The following CPNE4 variants were observed in gnomAD, a reference collection of about 807,000 sequenced individuals.
The protein encoded by CPNE4 is copine-4.
CPNE4 carries 25 observed loss-of-function variants against 67.9 expected under a neutral mutation model. The observed-to-expected ratio is 0.37, with a 90% CI of 0.27 to 0.51. CPNE4 has a LOEUF of 0.51. Among genes scored for constraint, CPNE4 ranks in the 20% least tolerant of loss-of-function variants. The pLI is 0.93. For synonymous variants in CPNE4, 242 were observed against 244.9 expected (o/e 0.99, Z 0.11); for missense variants, 464 against 690.8 (o/e 0.67, Z 3.68).
chr3:131,902,036 T>C (rs1345624745), intron 2 of CPNE4, among the ~76,000 whole-genome samples: 1 of 151,700 alleles, frequency 6.6e-6, no homozygotes, highest in East Asian at 1.9e-4. Flanking sequence ...TTACTAATTA[T>C]CTAATTATTT....
chr3:131,682,313 T>C lies in CPNE4; in HGVS notation c.591+3562A>G, dbSNP rs1009777087. Among the ~76,000 whole-genome samples the C allele has an allele frequency of 3.3e-5, 5 of 152,152 alleles. No homozygotes were observed. The East Asian group carries it at 7.7e-4, about 24-fold the overall frequency. On this transcript the variant is annotated intron_variant, in intron 6 of 15. Transcript: ENST00000429747. ...CCAGGTATTCAAAGGGATTTGGGTGTCGTGGTCTGTTTTTGGTCACTGTGA... is the reference window on the plus strand; with the variant it reads ...CCAGGTATTCAAAGGGATTTGGGTGCCGTGGTCTGTTTTTGGTCACTGTGA...
intron 2 of CPNE4, among the ~76,000 whole-genome samples, chr3:131,827,211 C>G (rs1331995300): frequency 6.6e-6 from 1 of 152,216 alleles, no homozygotes; most frequent in Admixed American, 6.5e-5. Context: ...ACCAAATAAT[C>G]TAAAATGTGT....
intron 1 of CPNE4, among the ~76,000 whole-genome samples, chr3:131,940,249 T>C (rs778200193): frequency 6.6e-6 from 1 of 152,174 alleles, no homozygotes; most frequent in Admixed American, 6.6e-5. Context: ...TGTATGAATC[T>C]TCTAGATTAA....
At chr3:131,800,555 C>A (rs1028090496) in intron 2 of CPNE4, among the ~76,000 whole-genome samples, 4 of 152,122 alleles carry the variant, frequency 2.6e-5, no homozygotes, top group African/African-American at 9.7e-5. Flanking sequence ...TCTCTCAATT[C>A]TGTTTAGTGC....
intron 4 of CPNE4, among the ~76,000 whole-genome samples, chr3:131,698,502 T>C (rs1339486017): frequency 6.6e-6 from 1 of 151,824 alleles, no homozygotes; most frequent in Non-Finnish European, 1.5e-5. Flanking sequence ...AGAAAAAGCT[T>C]TAACATGACA....
chr3:131,571,497 C>T (rs1043287894), intron 10 of CPNE4, among the ~76,000 whole-genome samples: 2 of 152,040 alleles, frequency 1.3e-5, no homozygotes, highest in African/African-American at 2.4e-5. Flanking sequence ...GCTGTTGCCT[C>T]GCGTATTTCC....
chr3:131,572,131 T>C (rs1375534185), intron 10 of CPNE4, among the ~76,000 whole-genome samples: 2 of 152,002 alleles, frequency 1.3e-5, no homozygotes, highest in African/African-American at 2.4e-5. Flanking sequence ...TTAACACTCT[T>C]AAGATTGAAC....
At chr3:131,905,190 A>T in intron 2 of CPNE4, 74 bp downstream of exon 2, 1 of 1,284,972 alleles carries the variant, frequency 7.8e-7, no homozygotes, top group Non-Finnish European at 1.1e-6. Flanking sequence ...AACCACCTGA[A>T]GATATAAAAT....
intron 7 of CPNE4, among the ~76,000 whole-genome samples, chr3:131,653,495 T>C (rs951615789): frequency 2.0e-5 from 3 of 152,100 alleles, no homozygotes; most frequent in African/African-American, 7.2e-5. Flanking sequence ...CTTGCCCTCA[T>C]GCAATTCAAA....
intron 7 of CPNE4, among the ~76,000 whole-genome samples, chr3:131,613,941 G>C (rs1467491094): frequency 6.6e-6 from 1 of 152,124 alleles, no homozygotes; most frequent in Non-Finnish European, 1.5e-5. Context: ...CAGTATTTAA[G>C]ATGTATTTTT....
chr3:131,815,224 G>A (rs2084690216), intron 2 of CPNE4, among the ~76,000 whole-genome samples: 1 of 152,062 alleles, frequency 6.6e-6, no homozygotes, highest in Non-Finnish European at 1.5e-5. Context: ...AATGATATGA[G>A]GAATTAGGTT....
intron 1 of CPNE4, among the ~76,000 whole-genome samples, chr3:132,015,328 G>A (rs571952200): frequency 2.0e-5 from 3 of 152,246 alleles, no homozygotes; most frequent in South Asian, 2.1e-4. Flanking sequence ...TTCTAGGAGA[G>A]CTTACAGTGA....
intron 1 of CPNE4, among the ~76,000 whole-genome samples, chr3:131,942,483 A>C (rs879789277): frequency 7.9e-6 from 1 of 126,524 alleles, no homozygotes; most frequent in South Asian, 2.4e-4. Flanking sequence ...AGAGAGAGAG[A>C]GAGAGAGAGA....
At chr3:131,628,196 G>A (rs1468597124) in intron 7 of CPNE4, among the ~76,000 whole-genome samples, 1 of 152,170 alleles carries the variant, frequency 6.6e-6, no homozygotes, top group Non-Finnish European at 1.5e-5. Context: ...CATCAACATT[G>A]AGGCAACATC....
intron 1 of CPNE4, among the ~76,000 whole-genome samples, chr3:131,993,751 T>A (rs1232045623): frequency 7.3e-6 from 1 of 136,124 alleles, no homozygotes; most frequent in African/African-American, 2.5e-5. Context: ...TCTCTAATTA[T>A]TGCTTGGAAT....
chr3:131,716,168 G>A (rs1466956016), intron 3 of CPNE4, among the ~76,000 whole-genome samples: 1 of 152,074 alleles, frequency 6.6e-6, no homozygotes, highest in African/African-American at 2.4e-5. Context: ...TAAAGGCCAG[G>A]AGTCCTGCTG....
chr3:131,778,997 A>G (rs2083363413), intron 2 of CPNE4, among the ~76,000 whole-genome samples: 1 of 152,150 alleles, frequency 6.6e-6, no homozygotes, highest in Admixed American at 6.6e-5. Flanking sequence ...GTTTTATGAT[A>G]CAGAATCAAT....
chr3:131,620,081 G>A (rs1445764960), intron 7 of CPNE4, among the ~76,000 whole-genome samples: 2 of 152,166 alleles, frequency 1.3e-5, no homozygotes, highest in East Asian at 1.9e-4. Context: ...GCTCTCTCGG[G>A]TGTGAGCATC....
At chr3:131,891,012 C>G (rs2088091684) in intron 2 of CPNE4, among the ~76,000 whole-genome samples, 1 of 152,038 alleles carries the variant, frequency 6.6e-6, no homozygotes, top group African/African-American at 2.4e-5. Flanking sequence ...ATGTGCTGTA[C>G]CACATAGTGC....
Sources: allele counts gnomAD v4.1 joint callset (sites outside exome capture counted in the v4.1 genomes callset), GRCh38; gene constraint gnomAD v4.1.1; transcripts MANE v1.5; gene names NCBI Gene and HGNC (gene_info 2026-07-23, HGNC 2026-07-21).